The following PCDH9 variants were observed in gnomAD, a reference collection of about 807,000 sequenced individuals.
The protein encoded by PCDH9 is protocadherin-9.
Under a neutral mutation model 70.6 loss-of-function variants are expected in PCDH9, and 24 were observed. The observed-to-expected ratio is 0.34, with a 90% CI of 0.25 to 0.48. The LOEUF (loss-of-function observed/expected upper bound fraction) is 0.48. Ranked by LOEUF, PCDH9 falls within the 20% of genes least tolerant of loss-of-function variation. The pLI, the probability that PCDH9 is intolerant of heterozygous loss-of-function variation, is 0.99. For synonymous variants in PCDH9, 562 were observed against 558.5 expected (o/e 1.01, Z -0.09); for missense variants, 1,281 against 1,503.6 (o/e 0.85, Z 2.45).
intron 2 of PCDH9, among the ~76,000 whole-genome samples, chr13:67,064,253 T>G (rs533227488): frequency 6.6e-6 from 1 of 152,238 alleles, no homozygotes; most frequent in East Asian, 1.9e-4. Flanking sequence ...CAACTCATTC[T>G]ATGGCAAGTG....
intron 2 of PCDH9, among the ~76,000 whole-genome samples, chr13:67,037,311 T>C (rs2085029441): frequency 6.6e-6 from 1 of 152,242 alleles, no homozygotes; most frequent in East Asian, 1.9e-4. Flanking sequence ...CGAAATGGTT[T>C]ATGAACTTGG....
intron 2 of PCDH9, among the ~76,000 whole-genome samples, chr13:67,068,823 A>T (rs901411616): frequency 2.6e-5 from 4 of 152,210 alleles, no homozygotes; most frequent in African/African-American, 9.6e-5. Context: ...GAATCCTAAA[A>T]TTATCCTGTT....
chr13:66,953,289 A>T (rs1210405854), intron 2 of PCDH9, among the ~76,000 whole-genome samples: 1 of 152,178 alleles, frequency 6.6e-6, no homozygotes, highest in Non-Finnish European at 1.5e-5. Context: ...TTGAAGCTAC[A>T]TGCCAGAGTA....
At chr13:66,592,247 G>A (rs1366908536) in intron 4 of PCDH9, among the ~76,000 whole-genome samples, 1 of 151,498 alleles carries the variant, frequency 6.6e-6, no homozygotes, top group Non-Finnish European at 1.5e-5. Flanking sequence ...ACACAATTTC[G>A]GTTAACTAGA....
At chr13:67,004,564 A>AAAAAGAAAG (rs1391505734) in intron 2 of PCDH9, among the ~76,000 whole-genome samples, 1 of 148,200 alleles carries the variant, frequency 6.7e-6, no homozygotes, top group Admixed American at 6.8e-5. Context: ...AAAAAAAAAA[A>AAAAAGAAAG]AAAGAAAGAA....
intron 2 of PCDH9, among the ~76,000 whole-genome samples, chr13:66,909,220 A>G (rs1214603704): frequency 1.3e-5 from 2 of 152,160 alleles, no homozygotes; most frequent in Admixed American, 6.6e-5. Context: ...TACAAAAAAG[A>G]CTTATGAATA....
chr13:66,925,411 T>C lies in PCDH9; in HGVS notation c.3037-21806A>G, dbSNP rs555707926. On this transcript the variant is annotated intron_variant, in intron 2 of 4. Coordinates refer to ENST00000377865, the MANE Select transcript of PCDH9 (RefSeq NM_203487.3). ...TTCACTTAATATTTTAAGAATTTTC[T>C]ATGTATTCTGTTTTGTAGTTCTATG... 2.0e-5 allele frequency among the ~76,000 whole-genome samples: 3 copies of C among 152,048 alleles called. No homozygotes were observed. The South Asian group carries it at 6.2e-4, about 32-fold the overall frequency.
At chr13:66,533,643 A>C (rs1299012332) in intron 4 of PCDH9, among the ~76,000 whole-genome samples, 1 of 152,142 alleles carries the variant, frequency 6.6e-6, no homozygotes, top group Admixed American at 6.6e-5. Context: ...AAGTTGTCTG[A>C]AATAAACAAA....
chr13:66,715,848 T>A (rs867249508), intron 3 of PCDH9, among the ~76,000 whole-genome samples: 29 of 152,230 alleles, frequency 1.9e-4, no homozygotes, highest in Non-Finnish European at 1.5e-4. Flanking sequence ...AAGCTCAATT[T>A]CACATTCATG....
At chr13:67,046,098 G>C (rs2085216956) in intron 2 of PCDH9, among the ~76,000 whole-genome samples, 1 of 152,046 alleles carries the variant, frequency 6.6e-6, no homozygotes. Context: ...AGTGGCCCAT[G>C]CTATTATTCA....
chr13:67,072,096 C>T (rs1222967347), intron 2 of PCDH9, among the ~76,000 whole-genome samples: 1 of 152,048 alleles, frequency 6.6e-6, no homozygotes, highest in Non-Finnish European at 1.5e-5. Context: ...GACTACTGAT[C>T]TCTCTGTAGG....
intron 3 of PCDH9, among the ~76,000 whole-genome samples, chr13:66,812,017 C>T (rs73503424): frequency 0.023 from 3,439 of 152,110 alleles, 133 homozygotes; most frequent in African/African-American, 0.08. Flanking sequence ...GCTGCACCCA[C>T]CACCCAAACA....
At chr13:66,566,660 A>C (rs1004854754) in intron 4 of PCDH9, among the ~76,000 whole-genome samples, 7 of 152,288 alleles carry the variant, frequency 4.6e-5, no homozygotes, top group African/African-American at 1.4e-4. Context: ...GGAATTTAAT[A>C]GTTGATATGT....
At chr13:66,729,949 T>G (rs1029301035) in intron 3 of PCDH9, among the ~76,000 whole-genome samples, 12 of 152,180 alleles carry the variant, frequency 7.9e-5, no homozygotes, top group Non-Finnish European at 1.6e-4. Context: ...TTTTTCCATC[T>G]TTGCCCCTAA....
rs1355793605 is a variant in PCDH9 at position 66,875,656 on chromosome 13, G to C, written c.3138+27848C>G. ...AATTCCCACTTACCATAAGAATCAC[G>C]TTTTACCCTGACTTTTCTATATAAT... is the stretch of plus-strand genomic sequence containing the variant. On this transcript the variant is annotated intron_variant, in intron 3 of 4. Coordinates refer to ENST00000377865, the MANE Select transcript of PCDH9 (RefSeq NM_203487.3). 6.6e-5 allele frequency among the ~76,000 whole-genome samples: 10 copies of C among 152,124 alleles called. No homozygotes were observed. In the East Asian group the frequency reaches 1.9e-3, roughly 29 times the overall value.
chr13:66,462,471 A>G (rs1453518286), intron 4 of PCDH9, among the ~76,000 whole-genome samples: 1 of 151,890 alleles, frequency 6.6e-6, no homozygotes, highest in Non-Finnish European at 1.5e-5. Context: ...GCTAAATATC[A>G]GAGTTCAAAT....
At chr13:66,947,158 T>A (rs2083101412) in intron 2 of PCDH9, among the ~76,000 whole-genome samples, 2 of 152,174 alleles carry the variant, frequency 1.3e-5, no homozygotes, top group South Asian at 4.1e-4. Context: ...GGCTGGAATA[T>A]ACAAGGTCAG....
intron 3 of PCDH9, among the ~76,000 whole-genome samples, chr13:66,844,690 T>C (rs1195720790): frequency 6.6e-6 from 1 of 152,142 alleles, no homozygotes; most frequent in Non-Finnish European, 1.5e-5. Context: ...GTCTAAAACT[T>C]ATATTTCATG....
At chr13:67,072,004 G>A (rs775342767) in intron 2 of PCDH9, among the ~76,000 whole-genome samples, 3 of 151,746 alleles carry the variant, frequency 2.0e-5, no homozygotes, top group South Asian at 2.1e-4. Context: ...GCAATTGAAC[G>A]TTTGATAACT....
Sources: allele counts gnomAD v4.1 joint callset (sites outside exome capture counted in the v4.1 genomes callset), GRCh38; gene constraint gnomAD v4.1.1; transcripts MANE v1.5; gene names NCBI Gene and HGNC (gene_info 2026-07-23, HGNC 2026-07-21).